Variants in ARFGEF3 observed in about 807,000 individuals in gnomAD.
ARFGEF3 encodes ARFGEF family member 3.
ARFGEF3 carries 96 observed loss-of-function variants against 221.7 expected under a neutral mutation model. The observed-to-expected ratio is 0.43, with a 90% CI of 0.37 to 0.51. The LOEUF is 0.51. Ranked by LOEUF, ARFGEF3 falls within the 20% of genes least tolerant of loss-of-function variation. ARFGEF3 has a pLI of 0.00. For synonymous variants in ARFGEF3, 1,145 were observed against 1,126.8 expected, an observed-to-expected ratio of 1.02 and a Z score of -0.32; for missense variants, 2,410 against 2,789.9, an observed-to-expected ratio of 0.86 and a Z score of 3.07.
At chr6:138,292,348 G>T (rs150383975) in intron 19 of ARFGEF3, among the ~76,000 whole-genome samples, 1 of 152,078 alleles carries the variant, frequency 6.6e-6, no homozygotes, top group East Asian at 1.9e-4. Flanking sequence ...TGGTAAAATA[G>T]GGTCATTTTT....
intron 13 of ARFGEF3, among the ~76,000 whole-genome samples, chr6:138,279,729 C>T (rs1779162417): frequency 6.6e-6 from 1 of 152,184 alleles, no homozygotes; most frequent in African/African-American, 2.4e-5. Context: ...CAATTGCAAA[C>T]CTTTCCACAC....
chr6:138,189,254 CAG>C (rs1245175987), intron 2 of ARFGEF3, among the ~76,000 whole-genome samples: 8 of 152,130 alleles, frequency 5.3e-5, no homozygotes, highest in African/African-American at 1.7e-4. Context: ...AAGGTAATGT[CAG>C]GGCGTGAACT....
chr6:138,278,271 C>G (rs1372870182), intron 12 of ARFGEF3, among the ~76,000 whole-genome samples, 180 bp from the exon 13 acceptor site: 1 of 152,198 alleles, frequency 6.6e-6, no homozygotes, highest in African/African-American at 2.4e-5. Flanking sequence ...AGCGCATGCT[C>G]TTTGCCACCA....
At chr6:138,183,747 C>G (rs1365703050) in intron 2 of ARFGEF3, among the ~76,000 whole-genome samples, 1 of 152,154 alleles carries the variant, frequency 6.6e-6, no homozygotes, top group Non-Finnish European at 1.5e-5. Context: ...CCTACATATG[C>G]CTTTTGGGAC....
At position 138,291,985 on chromosome 6, in the gene ARFGEF3, C is replaced by T. The variant is rs779542418; in HGVS notation, c.3300C>T (p.Arg1100=). ...GCCGGGGTCGGGCCTCCGACTTCCGCGGCGGGAGCCTCATGAGCGGGAGCA... is the reference window on the plus strand; with the variant it reads ...GCCGGGGTCGGGCCTCCGACTTCCGTGGCGGGAGCCTCATGAGCGGGAGCA... The part of the protein sequence containing the change: ...EGSRGRASDF[R]GGSLMSGSSA... Residue 1100 remains arginine, a synonymous_variant, in exon 19 of 34, where the codon CGC becomes CGT. Coordinates refer to ENST00000251691, the MANE Select transcript of ARFGEF3 (RefSeq NM_020340.5). This position sits in a 1 kb window ranked among gnomAD's most constrained non-coding sequence, Gnocchi z 4.5. 9 of 1,534,956 alleles carry T rather than the reference C, an allele frequency of 5.9e-6. No individual in the cohort carries two copies. Among genetic ancestry groups the T allele is most frequent in the Admixed American group, 2.0e-5 (1 of 51,138 alleles).
At chr6:138,235,927 G>A (rs1486294065) in intron 5 of ARFGEF3, among the ~76,000 whole-genome samples, 1 of 152,016 alleles carries the variant, frequency 6.6e-6, no homozygotes, top group Non-Finnish European at 1.5e-5. Flanking sequence ...CCTTTTCCCT[G>A]AATAAAATGC....
rs781371912 is a variant in ARFGEF3, at chr6:138,311,434, A to G, written c.4124A>G (p.Asp1375Gly). The stretch of plus-strand genomic sequence containing the variant: ...GAGGTGGACTGTAAAGAGATTGGAG[A>G]CTGTGCCCCAGCACCCGGAGCCCCG... ...LGEVDCKEIG[D>G]CAPAPGAPST... Residue 1375 changes from aspartate to glycine, a missense_variant, in exon 25 of 34, where the codon GAC becomes GGC. By Grantham distance (94) the Asp-to-Gly change is moderately conservative (BLOSUM62 -1). Coordinates refer to ENST00000251691, the MANE Select transcript of ARFGEF3 (RefSeq NM_020340.5). 5 of 1,608,372 alleles carry G rather than the reference A, an allele frequency of 3.1e-6. No homozygotes were observed. The South Asian group carries it at 4.5e-5, about 14-fold the overall frequency.
At chr6:138,260,247 T>A (rs1486842250) in intron 10 of ARFGEF3, among the ~76,000 whole-genome samples, 1 of 152,216 alleles carries the variant, frequency 6.6e-6, no homozygotes, top group Non-Finnish European at 1.5e-5. Flanking sequence ...GTTCAATTTC[T>A]GTGGTATGAA....
chr6:138,335,189 G>A lies in ARFGEF3; in HGVS notation c.6342+1G>A. ...GAGAGACGCAGAAGCACAGATCCAG[G>A]TACATCCCTGTGGCCACAGCAGGTG... is the stretch of plus-strand genomic sequence containing the variant. On this transcript the variant is annotated splice_donor_variant, in intron 33 of 33. Coordinates refer to ENST00000251691, the MANE Select transcript of ARFGEF3 (RefSeq NM_020340.5). LOFTEE classifies it high-confidence loss of function. 2 of 1,528,998 alleles carry A rather than the reference G, an allele frequency of 1.3e-6. No homozygotes were observed. Among genetic ancestry groups the A allele is most frequent in the Non-Finnish European group, 1.7e-6 (2 of 1,147,476 alleles). The allele number at this position is 1,528,998 out of a possible 1,614,324, so 94.7% of individuals were successfully genotyped here.
chr6:138,218,510 T>C (rs1777919123), intron 4 of ARFGEF3: 1 of 1,431,092 alleles, frequency 7.0e-7, no homozygotes. Flanking sequence ...CAGCCATGAT[T>C]CCACAATCTA....
intron 10 of ARFGEF3, among the ~76,000 whole-genome samples, chr6:138,260,158 A>T (rs1778761733): frequency 6.6e-6 from 1 of 152,192 alleles, no homozygotes; most frequent in South Asian, 2.1e-4. Context: ...GCCTGACTTT[A>T]GCCCCAGCCT....
At chr6:138,216,438 A>G (rs1043180114) in intron 4 of ARFGEF3, 2 of 152,190 alleles carry the variant, frequency 1.3e-5, no homozygotes, top group East Asian at 3.9e-4. Context: ...CTTTTAAATT[A>G]TGTATCAGTA....
intron 2 of ARFGEF3, among the ~76,000 whole-genome samples, chr6:138,183,880 G>A (rs1385260666): frequency 1.3e-5 from 2 of 152,132 alleles, no homozygotes; most frequent in Admixed American, 1.3e-4. Context: ...CCACAGAAGT[G>A]GCCTCAACCT....
At chr6:138,175,815 A>G (rs1262580577) in intron 2 of ARFGEF3, among the ~76,000 whole-genome samples, 1 of 152,218 alleles carries the variant, frequency 6.6e-6, no homozygotes, top group Non-Finnish European at 1.5e-5. Flanking sequence ...TTCTGTCCTG[A>G]CAACGTGTCT....
intron 2 of ARFGEF3, among the ~76,000 whole-genome samples, chr6:138,175,794 C>T (rs988633867): frequency 6.6e-6 from 1 of 152,162 alleles, no homozygotes; most frequent in Admixed American, 6.5e-5. Flanking sequence ...TCCAATGTCT[C>T]TTTGTTGATT....
intron 22 of ARFGEF3, among the ~76,000 whole-genome samples, chr6:138,301,836 G>C (rs1292228261): frequency 6.6e-6 from 1 of 152,190 alleles, no homozygotes; most frequent in Non-Finnish European, 1.5e-5. Flanking sequence ...CACATGATCA[G>C]CTGACTACTA....
chr6:138,285,487 T>A (rs1401798409), intron 14 of ARFGEF3, among the ~76,000 whole-genome samples: 1 of 152,136 alleles, frequency 6.6e-6, no homozygotes, highest in Non-Finnish European at 1.5e-5. Flanking sequence ...AAGGTATTAT[T>A]TATTGCACTT....
At position 138,335,268 on chromosome 6, in the gene ARFGEF3, T is replaced by C. The variant is rs1253624087; in HGVS notation, c.6342+80T>C. The C allele has an allele frequency of 5.1e-6, 7 of 1,370,994 alleles. No individual in the cohort carries two copies. In the African/African-American group the frequency reaches 7.3e-5, roughly 14 times the overall value. 84.9% of individuals were successfully genotyped at this position (1,370,994 alleles called of 1,614,324 possible). Reference sequence around the variant, plus strand: ...TGGGCCCCCCCTTGCAGAGCAGGCATACACAGGCTAAGATTTATAGAAACA... The same window carrying C: ...TGGGCCCCCCCTTGCAGAGCAGGCACACACAGGCTAAGATTTATAGAAACA... On this transcript the variant is annotated intron_variant, in intron 33 of 33. Coordinates refer to ENST00000251691, the MANE Select transcript of ARFGEF3 (RefSeq NM_020340.5).
chr6:138,314,258 C>T (rs1779880400), intron 26 of ARFGEF3, among the ~76,000 whole-genome samples: 1 of 152,082 alleles, frequency 6.6e-6, no homozygotes, highest in Non-Finnish European at 1.5e-5. Flanking sequence ...ATCAGGAACC[C>T]ACTCCCAAGA....
Sources: allele counts gnomAD v4.1 joint callset (sites outside exome capture counted in the v4.1 genomes callset), GRCh38; gene constraint gnomAD v4.1.1; non-coding constraint Gnocchi (gnomAD v3.1); transcripts MANE v1.5; gene names NCBI Gene and HGNC (gene_info 2026-07-23, HGNC 2026-07-21).